KLHL24: variants seen among roughly 807,000 people sequenced by gnomAD.
KLHL24 encodes kelch-like protein 24.
In KLHL24, 29 loss-of-function variants were observed where a neutral mutation model predicts 53.4. The ratio of observed to expected loss-of-function variants is 0.54; its 90% CI spans 0.40 to 0.74. KLHL24 has a LOEUF of 0.74. Among genes scored for constraint, KLHL24 ranks in the 30% least tolerant of loss-of-function variants. KLHL24 has a pLI of 0.00. For synonymous variants in KLHL24, 222 were observed against 253.7 expected (o/e 0.88, Z 1.19); for missense variants, 504 against 744.0 (o/e 0.68, Z 3.75).
Position 183,672,138 on chromosome 3 carries a change from G to A in KLHL24, c.1414-158G>A, listed in dbSNP as rs2033925. 0.34 allele frequency among the ~76,000 whole-genome samples: 50,918 copies of A among 151,916 alleles called. 9,392 individuals are homozygous for A. The highest frequency in any genetic ancestry group is 0.49 in the African/African-American group (20,252 of 41,400). ...ATTTGCATTTTATTTGAGAATGTTC[G>A]TAATTCAGACATTTCACTATCAGGC... On this transcript the variant is annotated intron_variant, in intron 6 of 7. Coordinates refer to ENST00000242810, the MANE Select transcript of KLHL24 (RefSeq NM_017644.3).
At position 183,663,985 on chromosome 3, in the gene KLHL24, A is replaced by G. The variant is rs3772707; in HGVS notation, c.1105+343A>G. 51,035 of 152,722 alleles carry G rather than the reference A, an allele frequency of 0.33. 9,380 individuals carry two copies. The highest frequency in any genetic ancestry group is 0.49 in the African/African-American group (20,204 of 41,376). 9.5% of individuals were successfully genotyped at this position (152,722 alleles called of 1,614,324 possible). On this transcript the variant is annotated intron_variant, in intron 4 of 7. Transcript: ENST00000242810. The surrounding 1 kb of genome is among the most constrained non-coding windows in gnomAD (Gnocchi z 4.9). ...TGGGCAACTGTAGTCCCAGCTACTCAGGAGGCTGAGGCAGGAGAATCACTT... is the reference window on the plus strand; with the variant it reads ...TGGGCAACTGTAGTCCCAGCTACTCGGGAGGCTGAGGCAGGAGAATCACTT...
In KLHL24 at chr3:183,684,296, A is replaced by G. The variant is rs1271570148; in HGVS notation, c.*5010A>G. The G allele has an allele frequency of 1.3e-5, 2 of 152,592 alleles. No homozygotes were observed. The highest frequency in any genetic ancestry group is 2.9e-5 in the Non-Finnish European group (2 of 68,032). The allele number at this position is 152,592 out of a possible 1,614,324, so 9.5% of individuals were successfully genotyped here. On this transcript the variant is annotated 3_prime_UTR_variant, in exon 8 of 8. Coordinates refer to ENST00000242810, the MANE Select transcript of KLHL24 (RefSeq NM_017644.3). ...TCTGCTTTACAACTAGTATAGACCT[A>G]AGGTCATTTGCTTTCAATTAGAGGC...
Position 183,671,103 on chromosome 3 carries a change from A to G in KLHL24, c.1294A>G (p.Asn432Asp). 1 of 1,614,082 alleles carries G rather than the reference A, an allele frequency of 6.2e-7. No homozygotes were observed. The highest frequency in any genetic ancestry group is 1.1e-5 in the South Asian group (1 of 91,076). ...SSVECYDSFS[N>D]RWTEVAPLKE... is the part of the protein sequence containing the mutation. ...CGTAGAATGTTATGATTCCTTTTCA[A>G]ATCGATGGACTGAAGTTGCTCCCCT... The change falls in exon 6 of 8, where the codon AAT (asparagine) becomes GAT (aspartate). Residue 432 changes from asparagine (N) to aspartate (D), a missense_variant. Transcript: ENST00000242810.
At chr3:183,641,908 A>G (rs1455989468) in intron 1 of KLHL24, among the ~76,000 whole-genome samples, 1 of 152,116 alleles carries the variant, frequency 6.6e-6, no homozygotes, top group African/African-American at 2.4e-5. Flanking sequence ...ACCCTTACCG[A>G]TTAGGTTGGT....
At chr3:183,645,307 T>C (rs1332734855) in intron 2 of KLHL24, among the ~76,000 whole-genome samples, 1 of 152,208 alleles carries the variant, frequency 6.6e-6, no homozygotes, top group Non-Finnish European at 1.5e-5. Context: ...TCTCTCTTGA[T>C]ATGGGGGATA....
chr3:183,664,258 A>G (rs1267192762), intron 4 of KLHL24: 1 of 152,256 alleles, frequency 6.6e-6, no homozygotes, highest in Non-Finnish European at 1.5e-5. Flanking sequence ...ACCTCTTTGC[A>G]AGTCAGAAGT....
rs60135934 is a variant in KLHL24 at position 183,678,929 on chromosome 3, CACAGA to C, written c.1603-153_1603-149del. Among the ~76,000 whole-genome samples, 60,835 of 151,578 alleles carry C rather than the reference CACAGA, an allele frequency of 0.4. 15,376 individuals are homozygous for C. The highest frequency in any genetic ancestry group is 0.72 in the African/African-American group (29,861 of 41,190). On this transcript the variant is annotated intron_variant, in intron 7 of 7. Coordinates refer to ENST00000242810, the MANE Select transcript of KLHL24 (RefSeq NM_017644.3). ...TTCATGCAAAGTTGTCCAGCGCTTA[CACAGA>C]ACACAGAGAGCAGAGTTGGGCCAAA...
At chr3:183,659,549 G>A (rs566583533) in intron 3 of KLHL24, among the ~76,000 whole-genome samples, 72 of 152,286 alleles carry the variant, frequency 4.7e-4, no homozygotes, top group African/African-American at 1.6e-3. Context: ...AAAAGGATAC[G>A]AGAATCAGTG....
chr3:183,637,167 C>T (rs533546095), intron 1 of KLHL24, among the ~76,000 whole-genome samples: 1 of 152,174 alleles, frequency 6.6e-6, no homozygotes, highest in Admixed American at 6.5e-5. Context: ...ATCACTTGCT[C>T]TTGTGGGCAG....
At chr3:183,670,053 G>A (rs946597270) in intron 5 of KLHL24, among the ~76,000 whole-genome samples, 2 of 152,142 alleles carry the variant, frequency 1.3e-5, no homozygotes, top group Non-Finnish European at 1.5e-5. Context: ...GCTTGAGGCC[G>A]AGAGTTAGAG....
chr3:183,640,621 A>T, intron 1 of KLHL24, among the ~76,000 whole-genome samples: 2 of 116,292 alleles, frequency 1.7e-5, no homozygotes, highest in Admixed American at 9.0e-5. Context: ...TTTTTTTGAG[A>T]CAGAGTCTTG....
At chr3:183,657,812 TAA>T (rs1401539956) in intron 3 of KLHL24, among the ~76,000 whole-genome samples, 2 of 152,234 alleles carry the variant, frequency 1.3e-5, no homozygotes, top group African/African-American at 2.4e-5. Context: ...TATTTTTACA[TAA>T]AGAGTATACA....
In KLHL24 at chr3:183,683,546, G is replaced by C. The variant is rs1712905827; in HGVS notation, c.*4260G>C. 6.6e-6 allele frequency: 1 copy of C among 152,602 alleles called. No homozygotes were observed. The highest frequency in any genetic ancestry group is 2.1e-4 in the South Asian group (1 of 4,832). 9.5% of individuals were successfully genotyped at this position (152,602 alleles called of 1,614,324 possible). On this transcript the variant is annotated 3_prime_UTR_variant, in exon 8 of 8. Transcript: ENST00000242810. ...TTGTCACATCTAATGCTAGGCACCA[G>C]AAACCATTTGAGCCAGGAGTGTGAA...
At chr3:183,660,942 G>A (rs191200997) in intron 3 of KLHL24, among the ~76,000 whole-genome samples, 1 of 147,346 alleles carries the variant, frequency 6.8e-6, no homozygotes, top group East Asian at 2.0e-4. Flanking sequence ...GCGGGCTCCT[G>A]TAGTCCCAGC....
chr3:183,665,901 A>ATTTTT (rs1720487100), intron 5 of KLHL24, among the ~76,000 whole-genome samples: 1 of 76,322 alleles, frequency 1.3e-5, no homozygotes, highest in Non-Finnish European at 2.5e-5. Context: ...TTTTTTTTTG[A>ATTTTT]GACAAGGTCT....
intron 7 of KLHL24, among the ~76,000 whole-genome samples, chr3:183,674,357 C>CCTTT (rs368167707): frequency 1.3e-5 from 2 of 148,534 alleles, no homozygotes; most frequent in Admixed American, 6.8e-5. Flanking sequence ...TTCCTTCCTT[C>CCTTT]CTTTCTTTCT....
At chr3:183,661,431 A>G (rs1472466197) in intron 3 of KLHL24, among the ~76,000 whole-genome samples, 3 of 152,118 alleles carry the variant, frequency 2.0e-5, no homozygotes, top group African/African-American at 7.2e-5. Flanking sequence ...TGAGATAAGT[A>G]TTTCTCCAAG....
chr3:183,660,681 A>T (rs1179796068), intron 3 of KLHL24, among the ~76,000 whole-genome samples: 1 of 152,058 alleles, frequency 6.6e-6, no homozygotes, highest in African/African-American at 2.4e-5. Flanking sequence ...CAATATAGCC[A>T]TTTTCATATA....
intron 1 of KLHL24, among the ~76,000 whole-genome samples, chr3:183,639,400 G>A (rs961012779): frequency 6.7e-6 from 1 of 149,756 alleles, no homozygotes; most frequent in African/African-American, 2.5e-5. Flanking sequence ...GGAGGCCAAG[G>A]CGGGCAGATC....
Sources: gnomAD v4.1 joint callset for allele counts (sites outside exome capture counted in the v4.1 genomes callset) on GRCh38, gnomAD v4.1.1 for gene constraint, Gnocchi (gnomAD v3.1) non-coding constraint, MANE v1.5 for transcripts, NCBI Gene and HGNC (gene_info 2026-07-23, HGNC 2026-07-21) for gene names.